GNPTAB: variants seen among roughly 807,000 people sequenced by gnomAD.
GNPTAB encodes N-acetylglucosamine-1-phosphotransferase subunits alpha/beta.
A neutral mutation model predicts 136.6 loss-of-function variants in GNPTAB; 92 were observed. The ratio of observed to expected loss-of-function variants is 0.67; its 90% CI spans 0.57 to 0.80. The LOEUF is 0.80. Among genes scored for constraint, GNPTAB ranks in the 30% least tolerant of loss-of-function variants. GNPTAB has a pLI of 0.00. For synonymous variants in GNPTAB, 512 were observed against 535.1 expected (o/e 0.96, Z 0.60); for missense variants, 1,343 against 1,501.8 (o/e 0.89, Z 1.75).
chr12:101,751,157 CTT>C (rs1465934070), intron 19 of GNPTAB, among the ~76,000 whole-genome samples: 3 of 152,238 alleles, frequency 2.0e-5, no homozygotes, highest in Non-Finnish European at 4.4e-5. Flanking sequence ...CTTTCACAAT[CTT>C]TTTTCTCGAC....
intron 1 of GNPTAB, among the ~76,000 whole-genome samples, chr12:101,819,007 C>T (rs79331336): frequency 6.6e-6 from 1 of 151,776 alleles, no homozygotes; most frequent in Non-Finnish European, 1.5e-5. Flanking sequence ...TACATTAAAA[C>T]TCTTTTTCCT....
At position 101,761,157 on chromosome 12, in the gene GNPTAB, G is replaced by C; in HGVS notation, c.3105C>G (p.Thr1035=). The change falls in exon 15 of 21, where the codon ACC becomes ACG. Residue 1035 remains threonine (T), a synonymous_variant. Coordinates refer to ENST00000299314, the MANE Select transcript of GNPTAB (RefSeq NM_024312.5). ...LSDREIRTLA[T]RIHELPLSLQ... is the part of the protein sequence containing the mutation. ...AACTTAACGGCAGTTCGTGAATTCT[G>C]GTAGCCAGTGTTCGGATTTCTCTGT... 1 of 1,613,670 alleles carries C rather than the reference G, an allele frequency of 6.2e-7. No individual in the cohort carries two copies.
At chr12:101,765,333 T>G (rs1361842925) in intron 12 of GNPTAB, 29 bp from the exon 13 acceptor site, 1 of 1,462,178 alleles carries the variant, frequency 6.8e-7, no homozygotes, top group Non-Finnish European at 9.6e-7. Context: ...ACATGATTTT[T>G]TTTTTAACTG....
rs369938701 is a variant in GNPTAB, at chr12:101,766,954, C to A, written c.1409-660G>T. Among the ~76,000 whole-genome samples, 21 of 152,274 alleles carry A rather than the reference C, an allele frequency of 1.4e-4. No individual in the cohort carries two copies. The South Asian group carries it at 3.9e-3, about 29-fold the overall frequency. On this transcript the variant is annotated intron_variant, in intron 11 of 20. Coordinates refer to ENST00000299314, the MANE Select transcript of GNPTAB (RefSeq NM_024312.5). ...CTATCAGAACTGCCAAAAACATGTC[C>A]AAACGTGGGTAACATGTTTGATACC...
At chr12:101,802,372 C>A (rs1029920266) in intron 1 of GNPTAB, among the ~76,000 whole-genome samples, 4 of 151,994 alleles carry the variant, frequency 2.6e-5, no homozygotes, top group African/African-American at 7.3e-5. Context: ...TACTGGGGAC[C>A]CTCACCAATT....
In GNPTAB at chr12:101,813,869, A is replaced by T. The variant is rs571846990; in HGVS notation, c.117+16690T>A. ...GTTGAGACGGGCAGATCACAAGGTC[A>T]GGAGTTTGAGACCAGCCTGGCCAAT... On this transcript the variant is annotated intron_variant, in intron 1 of 20. Transcript: ENST00000299314. Among the ~76,000 whole-genome samples the T allele has an allele frequency of 3.3e-5, 5 of 152,288 alleles. No individual in the cohort carries two copies. In the East Asian group the frequency reaches 9.6e-4, roughly 29 times the overall value.
At chr12:101,823,035 A>C (rs1870898117) in intron 1 of GNPTAB, among the ~76,000 whole-genome samples, 1 of 152,180 alleles carries the variant, frequency 6.6e-6, no homozygotes, top group Non-Finnish European at 1.5e-5. Flanking sequence ...TTCTCCTTTC[A>C]AGAGATTTGC....
chr12:101,775,384 G>A (rs1273447761), intron 7 of GNPTAB, among the ~76,000 whole-genome samples: 9 of 134,978 alleles, frequency 6.7e-5, no homozygotes, highest in Middle Eastern at 3.7e-3. Flanking sequence ...TTTTTGAGAC[G>A]GAGTCTCACT....
intron 1 of GNPTAB, among the ~76,000 whole-genome samples, chr12:101,819,200 C>G (rs1870676909): frequency 6.6e-6 from 1 of 152,038 alleles, no homozygotes; most frequent in Admixed American, 6.6e-5. Context: ...TTGGTAGAGA[C>G]AGGGTTTCAC....
intron 1 of GNPTAB, among the ~76,000 whole-genome samples, chr12:101,808,605 CA>C (rs1401093510): frequency 2.0e-5 from 3 of 151,986 alleles, no homozygotes; most frequent in Non-Finnish European, 4.4e-5. Context: ...GATACAACAC[CA>C]AAAGTAACAA....
At position 101,813,854 on chromosome 12, in the gene GNPTAB, G is replaced by A. The variant is rs536925927; in HGVS notation, c.117+16705C>T. 9.9e-5 allele frequency among the ~76,000 whole-genome samples: 15 copies of A among 152,224 alleles called. No homozygotes were observed. In the East Asian group the frequency reaches 2.5e-3, roughly 25 times the overall value. On this transcript the variant is annotated intron_variant, in intron 1 of 20. Coordinates refer to ENST00000299314, the MANE Select transcript of GNPTAB (RefSeq NM_024312.5). ...CCAGCACTTTGGGAGGTTGAGACGG[G>A]CAGATCACAAGGTCAGGAGTTTGAG...
At chr12:101,780,074 A>G in intron 7 of GNPTAB, 78 bp downstream of exon 7, 3 of 1,428,046 alleles carry the variant, frequency 2.1e-6, no homozygotes, top group Non-Finnish European at 3.0e-6. Context: ...TTTGGGGGAA[A>G]AAAATGGACC....
intron 1 of GNPTAB, among the ~76,000 whole-genome samples, chr12:101,806,297 T>C (rs770882347): frequency 2.5e-4 from 38 of 152,194 alleles, no homozygotes; most frequent in Admixed American, 5.9e-4. Context: ...ACTGCCAAAA[T>C]AACAACAAGA....
At chr12:101,765,375 T>A in intron 12 of GNPTAB, 71 bp from the exon 13 acceptor site, 1 of 1,016,250 alleles carries the variant, frequency 9.8e-7, no homozygotes, top group Non-Finnish European at 1.5e-6. Flanking sequence ...TTTAATTCTT[T>A]GAGTCTGAGT....
intron 5 of GNPTAB, 95 bp downstream of exon 5, chr12:101,785,917 C>T: frequency 1.0e-6 from 1 of 958,852 alleles, no homozygotes; most frequent in Non-Finnish European, 1.6e-6. Context: ...GTTTATCAGA[C>T]ATTTAAGAAT....
At chr12:101,783,228 A>C (rs1179073129) in intron 5 of GNPTAB, among the ~76,000 whole-genome samples, 3 of 151,866 alleles carry the variant, frequency 2.0e-5, no homozygotes, top group Non-Finnish European at 2.9e-5. Context: ...GGCACTTAAT[A>C]AGCACTCATT....
At chr12:101,779,139 C>T (rs1953302079) in intron 7 of GNPTAB, 1 of 152,076 alleles carries the variant, frequency 6.6e-6, no homozygotes, top group Non-Finnish European at 1.5e-5. Context: ...CACAGCTCCC[C>T]CACCACTACT....
intron 1 of GNPTAB, among the ~76,000 whole-genome samples, chr12:101,807,793 G>C (rs1435646121): frequency 6.6e-6 from 1 of 152,082 alleles, no homozygotes; most frequent in Non-Finnish European, 1.5e-5. Context: ...AGCCAGGTGT[G>C]GCGGCGCACA....
chr12:101,828,900 C>T (rs1471773736), intron 1 of GNPTAB, among the ~76,000 whole-genome samples: 3 of 152,156 alleles, frequency 2.0e-5, no homozygotes, highest in Non-Finnish European at 4.4e-5. Flanking sequence ...TGCCTGATAC[C>T]TGTTAAGACC....
Sources: gnomAD v4.1 joint callset for allele counts (sites outside exome capture counted in the v4.1 genomes callset) on GRCh38, gnomAD v4.1.1 for gene constraint, MANE v1.5 for transcripts, NCBI Gene and HGNC (gene_info 2026-07-23, HGNC 2026-07-21) for gene names.